CPSF1: variants seen among roughly 807,000 people sequenced by gnomAD.
The protein encoded by CPSF1 is cleavage and polyadenylation specificity factor subunit 1.
Under a neutral mutation model 175.8 loss-of-function variants are expected in CPSF1, and 106 were observed. The observed-to-expected ratio is 0.60, with a 90% CI of 0.52 to 0.71. The LOEUF is 0.71. Ranked by LOEUF, CPSF1 falls within the 30% of genes least tolerant of loss-of-function variation. The pLI is 0.00. For missense variants in CPSF1, 1,734 were observed against 2,022.9 expected, an observed-to-expected ratio of 0.86 and a Z score of 2.74; for synonymous variants, 1,024 against 858.3, an observed-to-expected ratio of 1.19 and a Z score of -3.37.
rs1182572650 is a variant in CPSF1, at chr8:144,400,134, GGCCC to G, written c.937+28_937+31del. 188 of 966,570 alleles carry G rather than the reference GGCCC, an allele frequency of 1.9e-4. 21 individuals carry two copies. In the East Asian group the frequency reaches 3.2e-3, roughly 16 times the overall value. 59.9% of individuals were successfully genotyped at this position (966,570 alleles called of 1,614,324 possible). A position where few individuals can be genotyped will look rare whatever the true frequency, so the allele number is the denominator to read the frequency against. On this transcript the variant is annotated intron_variant, in intron 9 of 37. Coordinates refer to ENST00000616140, the MANE Select transcript of CPSF1 (RefSeq NM_013291.3). ...ACTAGGCAGGCCCAAGCCGTCCCCG[GGCCC>G]CCCCCGCCCCAGCCACCCCACACTC...
chr8:144,395,549 G>A lies in CPSF1; in HGVS notation c.2982C>T (p.Gly994=), dbSNP rs11556134. The change falls in exon 27 of 38, where the codon GGC becomes GGT. Residue 994 remains glycine (G), a splice_region_variant and synonymous_variant. Transcript: ENST00000616140. Reference sequence around the variant, plus strand: ...CAGGCAGGACACTGATCCTCAGCTCGCCCTGGGGTGGGGGCACAGGGGTCA... The same window carrying A: ...CAGGCAGGACACTGATCCTCAGCTCACCCTGGGGTGGGGGCACAGGGGTCA... ...PRGFLYFNRQ[G]ELRISVLPAY... is the part of the protein sequence containing the mutation. 43,137 of 1,602,060 alleles carry A rather than the reference G, an allele frequency of 0.027. 808 individuals carry two copies. Among genetic ancestry groups the A allele is most frequent in the Middle Eastern group, 0.073 (371 of 5,096 alleles).
Position 144,400,464 on chromosome 8 carries a change from G to A in CPSF1, c.716C>T (p.Ser239Phe). 1 of 1,613,298 alleles carries A rather than the reference G, an allele frequency of 6.2e-7. No individual in the cohort carries two copies. The highest frequency in any genetic ancestry group is 8.5e-7 in the Non-Finnish European group (1 of 1,179,966). ...GATGTTCAGTGAGATGGCCACAATG[G>A]AGCACGTGTCCTGCCGCACGGCCAC... ...GRVAVRQDTC[S>F]IVAISLNITQ... Residue 239 changes from serine to phenylalanine, a missense_variant, in exon 8 of 38, where the codon TCC becomes TTC. By Grantham distance (155) the Ser-to-Phe change is radical (BLOSUM62 -2). This residue lies in a region of CPSF1 where 61 missense variants were observed against 104.0 expected (regional missense o/e 0.59). Transcript: ENST00000616140.
At chr8:144,394,079 C>A in intron 34 of CPSF1, 34 bp downstream of exon 34, 1 of 1,610,928 alleles carries the variant, frequency 6.2e-7, no homozygotes, top group Non-Finnish European at 8.5e-7. Context: ...AGCCCAGCCC[C>A]GGCCCAGGCA....
At position 144,399,483 on chromosome 8, in the gene CPSF1, CTTCT is replaced by C; in HGVS notation, c.1259_1262del (p.Lys420ArgfsTer50). The C allele has an allele frequency of 4.3e-6, 7 of 1,613,084 alleles. No individual in the cohort carries two copies. Among genetic ancestry groups the C allele is most frequent in the South Asian group, 1.1e-5 (1 of 91,028 alleles). ...AGCCGGCCGTCGCATCCACTCGCTT[CTTCT>C]TTGAGGGAGGCTCTTCCTGTGAGGC... On this transcript the variant is annotated frameshift_variant, in exon 13 of 38. Coordinates refer to ENST00000616140, the MANE Select transcript of CPSF1 (RefSeq NM_013291.3). LOFTEE classifies it high-confidence loss of function. The surrounding 1 kb of genome is among the most constrained non-coding windows in gnomAD (Gnocchi z 6.4).
chr8:144,401,605 C>T (rs1554867252), intron 3 of CPSF1, 41 bp downstream of exon 3: 1 of 1,612,460 alleles, frequency 6.2e-7, no homozygotes, highest in African/African-American at 1.3e-5. Flanking sequence ...CCCAGCCATG[C>T]CTGGCACCCG....
rs1554865919 is a variant in CPSF1 at position 144,400,050 on chromosome 8, C to A, written c.973G>T (p.Ala325Ser). 1 of 1,610,014 alleles carries A rather than the reference C, an allele frequency of 6.2e-7. No individual in the cohort carries two copies. The highest frequency in any genetic ancestry group is 8.5e-7 in the Non-Finnish European group (1 of 1,179,718). Reference protein sequence around the residue: ...QEGVRITLDCAQATFISYDKM... With the variant: ...QEGVRITLDCSQATFISYDKM... Reference sequence around the variant, plus strand: ...TCGTAGGAGATGAAGGTGGCCTGGGCGCAGTCCAGGGTGATCCGCACACCC... The same window carrying A: ...TCGTAGGAGATGAAGGTGGCCTGGGAGCAGTCCAGGGTGATCCGCACACCC... The change falls in exon 10 of 38, where the codon GCC becomes TCC. Residue 325 changes from alanine to serine, a missense_variant. Ala to Ser is a moderately conservative substitution (Grantham distance 99). This residue lies in a region of CPSF1 where 162 missense variants were observed against 169.5 expected (regional missense o/e 0.96). Transcript: ENST00000616140.
At chr8:144,404,432 C>G (rs1821382716) in intron 2 of CPSF1, among the ~76,000 whole-genome samples, 1 of 151,180 alleles carries the variant, frequency 6.6e-6, no homozygotes, top group South Asian at 2.1e-4. Flanking sequence ...GTGGCACAAT[C>G]TTGGCTTACT....
At position 144,399,901 on chromosome 8, in the gene CPSF1, G is replaced by C; in HGVS notation, c.1032-33C>G. ...CAGGGAGAATTCTGAGTCGGGGATG[G>C]GGACCCTGGGGGAGTGAAGGGGGCC... On this transcript the variant is annotated intron_variant, in intron 10 of 37. Transcript: ENST00000616140. The surrounding 1 kb of genome is among the most constrained non-coding windows in gnomAD (Gnocchi z 6.4). 6.4e-7 allele frequency: 1 copy of C among 1,552,178 alleles called. No homozygotes were observed. Among genetic ancestry groups the C allele is most frequent in the South Asian group, 1.2e-5 (1 of 85,408 alleles).
chr8:144,400,135 G>GGGGGGCCCCCC, intron 9 of CPSF1, 31 bp downstream of exon 9: 62 of 895,878 alleles, frequency 6.9e-5, no homozygotes, highest in Non-Finnish European at 8.5e-5. Flanking sequence ...CCGTCCCCGG[G>GGGGGGCCCCCC]CCCCCCCCGC....
chr8:144,398,873 AATG>A lies in CPSF1; in HGVS notation c.1549-8_1549-6del. The stretch of plus-strand genomic sequence containing the variant: ...CACCTGGGGCCGGATGCTCTTCTAG[AATG>A]ATGATGGGGTGGGGGTGTGATGGGG... On this transcript the variant is annotated splice_polypyrimidine_tract_variant and splice_region_variant and intron_variant, in intron 16 of 37. Transcript: ENST00000616140. 2 of 1,610,746 alleles carry A rather than the reference AATG, an allele frequency of 1.2e-6. No homozygotes were observed.
chr8:144,395,486 C>T lies in CPSF1; in HGVS notation c.3045G>A (p.Lys1015=). The part of the protein sequence containing the change: ...LSYDAPWPVR[K]IPLRCTAHYV... ...AGTGGGCCGTGCAGCGCAGCGGGAT[C>T]TTCCTGACAGGCCATGGGGCATCAT... Residue 1015 remains lysine, a synonymous_variant, in exon 27 of 38, where the codon AAG becomes AAA. Transcript: ENST00000616140. The T allele has an allele frequency of 1.2e-6, 2 of 1,609,070 alleles. No homozygotes were observed. Among genetic ancestry groups the T allele is most frequent in the Non-Finnish European group, 1.7e-6 (2 of 1,177,670 alleles).
At position 144,396,756 on chromosome 8, in the gene CPSF1, T is replaced by C; in HGVS notation, c.2683-15A>G. ...TTGTGAGGGACCTGGGGGGGAACCA[T>C]GCAGGTCCTCCAGGGGCTGCCGGTC... On this transcript the variant is annotated splice_polypyrimidine_tract_variant and intron_variant, in intron 24 of 37. Transcript: ENST00000616140. The C allele has an allele frequency of 1.2e-6, 2 of 1,613,654 alleles. No homozygotes were observed. The highest frequency in any genetic ancestry group is 1.1e-5 in the South Asian group (1 of 91,078).
At chr8:144,404,339 A>G (rs1168995561) in intron 2 of CPSF1, among the ~76,000 whole-genome samples, 1 of 152,102 alleles carries the variant, frequency 6.6e-6, no homozygotes. Flanking sequence ...TTCTGTGTAC[A>G]TGCAAGAAAC....
rs1002563980 is a variant in CPSF1, at chr8:144,408,891, C to A, written c.144+124G>T. 1.2e-5 allele frequency: 14 copies of A among 1,203,930 alleles called. 1 individual carries two copies. In the Admixed American group the frequency reaches 1.9e-4, roughly 17 times the overall value. 74.6% of individuals were successfully genotyped at this position (1,203,930 alleles called of 1,614,324 possible). A position where few individuals can be genotyped will look rare whatever the true frequency, so the allele number is the denominator to read the frequency against. On this transcript the variant is annotated intron_variant, in intron 2 of 37. Coordinates refer to ENST00000616140, the MANE Select transcript of CPSF1 (RefSeq NM_013291.3). ...GATTCAGGGTCATGTCCTGGCTCCT[C>A]AGGCTGAGGAACGTTAAGCAAATCA... is the stretch of plus-strand genomic sequence containing the variant.
chr8:144,396,992 T>C lies in CPSF1; in HGVS notation c.2593-63A>G, dbSNP rs1586615955. 7 of 1,171,342 alleles carry C rather than the reference T, an allele frequency of 6.0e-6. No individual in the cohort carries two copies. The East Asian group carries it at 1.6e-4, about 26-fold the overall frequency. 72.6% of individuals were successfully genotyped at this position (1,171,342 alleles called of 1,614,324 possible). ...GCCATGGAGAACATGGGATGGGCCA[T>C]GGGAAGAGGTGGGCTGTGGGTAAGG... On this transcript the variant is annotated intron_variant, in intron 23 of 37. Coordinates refer to ENST00000616140, the MANE Select transcript of CPSF1 (RefSeq NM_013291.3).
chr8:144,397,442 C>T (rs1554864368), intron 22 of CPSF1, 29 bp from the exon 23 acceptor site: 2 of 1,581,312 alleles, frequency 1.3e-6, no homozygotes, highest in Non-Finnish European at 8.6e-7. Context: ...TCAGTGGAGG[C>T]AGGTGGGTGG....
In CPSF1 at chr8:144,400,985, C is replaced by A; in HGVS notation, c.478G>T (p.Val160Leu). ...CTCTCCCTGCGGAAGGGCAGGACCA[C>A]CAGCCGCGTGCCGTAGACAAGCATG... Reference protein sequence around the residue: ...AAMLVYGTRLVVLPFRRESLA... With the variant: ...AAMLVYGTRLLVLPFRRESLA... The change falls in exon 6 of 38, where the codon GTG becomes TTG. Residue 160 changes from valine (V) to leucine (L), a missense_variant. Transcript: ENST00000616140. 1 of 1,610,574 alleles carries A rather than the reference C, an allele frequency of 6.2e-7. No homozygotes were observed. The highest frequency in any genetic ancestry group is 8.5e-7 in the Non-Finnish European group (1 of 1,178,516).
At chr8:144,400,901 A>C in intron 6 of CPSF1, 23 bp downstream of exon 6, 1 of 1,602,988 alleles carries the variant, frequency 6.2e-7, no homozygotes, top group Non-Finnish European at 8.5e-7. Context: ...CCAGCACCAC[A>C]GCCTGCCTCA....
chr8:144,393,342 C>A lies in CPSF1; in HGVS notation c.4308G>T (p.Thr1436=), dbSNP rs374047184. 9 of 1,486,190 alleles carry A rather than the reference C, an allele frequency of 6.1e-6. No homozygotes were observed. The highest frequency in any genetic ancestry group is 8.1e-6 in the Non-Finnish European group (9 of 1,111,688). 92.1% of individuals were successfully genotyped at this position (1,486,190 alleles called of 1,614,324 possible). A position where few individuals can be genotyped will look rare whatever the true frequency, so the allele number is the denominator to read the frequency against. ...GCTAGAAGTGGGCGGTGACGCGGTC[C>A]GTCTCCAGCAAGTCGTCCAGGATCT... ...PDIILDDLLE[T]DRVTAHF The change falls in exon 38 of 38, where the codon ACG becomes ACT. Residue 1436 remains threonine (T), a synonymous_variant. Transcript: ENST00000616140.
Sources: allele counts gnomAD v4.1 joint callset (sites outside exome capture counted in the v4.1 genomes callset), GRCh38; gene constraint gnomAD v4.1.1; regional missense constraint gnomAD v4.1.1; non-coding constraint Gnocchi (gnomAD v3.1); transcripts MANE v1.5; gene names NCBI Gene and HGNC (gene_info 2026-07-23, HGNC 2026-07-21).